Variants in NBEAL1 observed in about 807,000 individuals in gnomAD.
NBEAL1 encodes neurobeachin like 1, also known as neurobeachin-like protein 1.
A neutral mutation model predicts 351.3 loss-of-function variants in NBEAL1; 273 were observed. The observed-to-expected ratio is 0.78, with a 90% CI of 0.70 to 0.86. NBEAL1 has a LOEUF of 0.86. Ranked by LOEUF, NBEAL1 falls within the 40% of genes least tolerant of loss-of-function variation. The probability of loss-of-function intolerance (pLI) is 0.00; values close to 1 mark genes in which losing one functional copy is unlikely to be tolerated. For synonymous variants in NBEAL1, 1,050 were observed against 1,086.4 expected (o/e 0.97, Z 0.66); for missense variants, 2,961 against 3,201.3 (o/e 0.92, Z 1.81).
At chr2:203,136,556 C>T in intron 28 of NBEAL1, 43 bp from the exon 29 acceptor site, 2 of 1,403,206 alleles carry the variant, frequency 1.4e-6, no homozygotes, top group Admixed American at 1.8e-5. Context: ...CTTTGAACAA[C>T]TACACCCTCT....
rs1376128565 is a variant in NBEAL1, at chr2:203,217,342, A to C, written c.8160A>C (p.Gln2720His). 2.5e-6 allele frequency: 4 copies of C among 1,574,746 alleles called. No individual in the cohort carries two copies. Among genetic ancestry groups the C allele is most frequent in the Non-Finnish European group, 3.4e-6 (4 of 1,163,926 alleles). The change falls in exon 56 of 56, where the codon CAA becomes CAC. Residue 2720 changes from glutamine (Q) to histidine (H), a missense_variant. Transcript: ENST00000683969. ...ISAGETEYNT[Q>H]DSK ...CTGGAGAAACTGAATATAATACTCA[A>C]GATTCCAAGTGATTGTTATTTCCAT...
Position 203,209,253 on chromosome 2 carries a change from T to A in NBEAL1, c.7716T>A (p.Pro2572=), listed in dbSNP as rs763442869. The change falls in exon 53 of 56, where the codon CCT becomes CCA. Residue 2572 remains proline (P), a synonymous_variant. Coordinates refer to ENST00000683969, the MANE Select transcript of NBEAL1 (RefSeq NM_001378026.1). The part of the protein sequence containing the change: ...PCESSLFLTI[P]NLAISWEGHI... ...AGAGTTCTCTGTTCCTGACCATTCC[T>A]AATTTGGCTATATCTTGGGAAGGAC... 3 of 1,613,806 alleles carry A rather than the reference T, an allele frequency of 1.9e-6. No individual in the cohort carries two copies. Among genetic ancestry groups the A allele is most frequent in the Admixed American group, 1.7e-5 (1 of 60,008 alleles).
rs1444823076 is a variant in NBEAL1 at position 203,136,713 on chromosome 2, G to T, written c.4504G>T (p.Ala1502Ser). The T allele has an allele frequency of 6.2e-7, 1 of 1,613,620 alleles. No homozygotes were observed. The highest frequency in any genetic ancestry group is 2.2e-5 in the East Asian group (1 of 44,822). ...GATTGAACGAGGACAAGTGTTTTCA[G>T]CACTAAGTAAACCAGGAATATCCAG... ...TWIERGQVFSALSKPGISSEL... is the reference protein window; with the variant it reads ...TWIERGQVFSSLSKPGISSEL... Residue 1502 changes from alanine to serine, a missense_variant, in exon 29 of 56, where the codon GCA (alanine) becomes TCA (serine). Transcript: ENST00000683969.
At position 203,125,499 on chromosome 2, in the gene NBEAL1, T is replaced by C; in HGVS notation, c.2830T>C (p.Trp944Arg). 1 of 1,518,664 alleles carries C rather than the reference T, an allele frequency of 6.6e-7. No homozygotes were observed. The highest frequency in any genetic ancestry group is 8.8e-7 in the Non-Finnish European group (1 of 1,134,280). The allele number at this position is 1,518,664 out of a possible 1,614,324, so 94.1% of individuals were successfully genotyped here. ...ACCTGTTGAAGGAGATTGGCTCGTA[T>C]GGACTTCCACAAAGGCCTCAGGTAT... ...VTPVEGDWLV[W>R]TSTKASESRL... Residue 944 changes from tryptophan (W) to arginine (R), a missense_variant, in exon 20 of 56, where the codon TGG becomes CGG. Transcript: ENST00000683969.
At chr2:203,145,181 T>A in intron 33 of NBEAL1, 21 bp downstream of exon 33, 1 of 1,589,674 alleles carries the variant, frequency 6.3e-7, no homozygotes, top group Admixed American at 1.8e-5. Context: ...AATGTTTTAA[T>A]ATCTAGTTTT....
At chr2:203,109,734 G>A (rs974228940) in intron 14 of NBEAL1, among the ~76,000 whole-genome samples, 3 of 152,186 alleles carry the variant, frequency 2.0e-5, no homozygotes, top group Admixed American at 2.0e-4. Flanking sequence ...TGGCCAGGCT[G>A]GTCTCGAACT....
intron 44 of NBEAL1, among the ~76,000 whole-genome samples, chr2:203,186,614 A>G (rs1261653714): frequency 6.6e-6 from 1 of 152,008 alleles, no homozygotes; most frequent in Non-Finnish European, 1.5e-5. Flanking sequence ...TTTTTATTCC[A>G]TAAAAATAAA....
intron 2 of NBEAL1, chr2:203,040,402 A>G: frequency 2.8e-6 from 2 of 713,346 alleles, no homozygotes; most frequent in South Asian, 2.9e-5. Flanking sequence ...GATTAATGGC[A>G]TGAGTTTACC....
In NBEAL1 at chr2:203,056,729, G is replaced by A. The variant is rs534651035; in HGVS notation, c.387+221G>A. On this transcript the variant is annotated intron_variant, in intron 5 of 55. Coordinates refer to ENST00000683969, the MANE Select transcript of NBEAL1 (RefSeq NM_001378026.1). ...ATTACAGGCATGTGCCACCACGCCC[G>A]GCTAACTTTTGTATTTTTAGTAGAG... is the stretch of plus-strand genomic sequence containing the variant. Among the ~76,000 whole-genome samples the A allele has an allele frequency of 2.5e-4, 38 of 152,138 alleles. 1 individual carries two copies. In the South Asian group the frequency reaches 3.3e-3, roughly 13 times the overall value.
chr2:203,026,964 A>G (rs1238663169), intron 2 of NBEAL1, among the ~76,000 whole-genome samples: 1 of 152,210 alleles, frequency 6.6e-6, no homozygotes, highest in African/African-American at 2.4e-5. Flanking sequence ...TAGTGTTTTA[A>G]TATACGTTCA....
intron 47 of NBEAL1, among the ~76,000 whole-genome samples, chr2:203,194,688 G>A (rs2065186755): frequency 1.3e-5 from 2 of 152,112 alleles, no homozygotes; most frequent in Admixed American, 6.6e-5. Flanking sequence ...CACTTAAAAT[G>A]TAATCATCTA....
chr2:203,197,446 G>A (rs1246110366), intron 48 of NBEAL1, 55 bp downstream of exon 48: 3 of 1,171,900 alleles, frequency 2.6e-6, no homozygotes, highest in Admixed American at 3.9e-5. Context: ...TTACAACTTA[G>A]AAAAAAAGAG....
chr2:203,056,518 A>G lies in NBEAL1; in HGVS notation c.387+10A>G. The G allele has an allele frequency of 6.8e-7, 1 of 1,474,698 alleles. No individual in the cohort carries two copies. Among genetic ancestry groups the G allele is most frequent in the Non-Finnish European group, 9.3e-7 (1 of 1,076,482 alleles). The allele number at this position is 1,474,698 out of a possible 1,614,324, so 91.4% of individuals were successfully genotyped here. A position where few individuals can be genotyped will look rare whatever the true frequency, so the allele number is the denominator to read the frequency against. On this transcript the variant is annotated intron_variant, in intron 5 of 55. Transcript: ENST00000683969. ...ACTCTATATTCAGCAAGTAGGTGTG[A>G]ACTAATCTTTTTTGTCACTTTACTG... is the stretch of plus-strand genomic sequence containing the variant.
intron 25 of NBEAL1, 133 bp downstream of exon 25, chr2:203,130,609 A>G (rs2063051269): frequency 9.0e-6 from 5 of 557,104 alleles, no homozygotes; most frequent in Non-Finnish European, 1.4e-5. Flanking sequence ...TTATTTTTAT[A>G]TATAGTTTTC....
chr2:203,154,424 ACTC>A (rs1314328063), intron 35 of NBEAL1, among the ~76,000 whole-genome samples: 1 of 151,598 alleles, frequency 6.6e-6, no homozygotes, highest in Non-Finnish European at 1.5e-5. Context: ...AGTTTTGTCT[ACTC>A]CTTAGTTTTG....
intron 18 of NBEAL1, among the ~76,000 whole-genome samples, chr2:203,118,652 C>T (rs888471939): frequency 3.3e-5 from 5 of 149,330 alleles, no homozygotes; most frequent in African/African-American, 4.9e-5. Flanking sequence ...AGTGCAGTGG[C>T]GCAATCTTGG....
intron 24 of NBEAL1, 112 bp from the exon 25 acceptor site, chr2:203,130,201 GAAGTT>G: frequency 1.0e-6 from 1 of 970,674 alleles, no homozygotes; most frequent in Non-Finnish European, 1.5e-6. Flanking sequence ...CAGATATAGT[GAAGTT>G]AAGATAAAAC....
At position 203,122,249 on chromosome 2, in the gene NBEAL1, C is replaced by A; in HGVS notation, c.2593-5C>A. The A allele has an allele frequency of 6.6e-7, 1 of 1,508,464 alleles. No homozygotes were observed. The highest frequency in any genetic ancestry group is 2.3e-5 in the Admixed American group (1 of 43,612). The allele number at this position is 1,508,464 out of a possible 1,614,324, so 93.4% of individuals were successfully genotyped here. On this transcript the variant is annotated splice_region_variant and splice_polypyrimidine_tract_variant and intron_variant, in intron 18 of 55. Transcript: ENST00000683969. ...TTGTTTGCCATATTTTTCTTTTATT[C>A]TTAGGCCTGCAAAAATTCAATCTGT...
intron 39 of NBEAL1, among the ~76,000 whole-genome samples, chr2:203,170,301 G>A (rs2064280415): frequency 6.6e-6 from 1 of 152,122 alleles, no homozygotes; most frequent in Non-Finnish European, 1.5e-5. Context: ...GAACCGGGGA[G>A]GCGGAGGTTG....
Sources: allele counts gnomAD v4.1 joint callset (sites outside exome capture counted in the v4.1 genomes callset), GRCh38; gene constraint gnomAD v4.1.1; transcripts MANE v1.5; gene names NCBI Gene and HGNC (gene_info 2026-07-23, HGNC 2026-07-21).